Variants in REV1 observed in about 807,000 individuals in gnomAD.
REV1 encodes REV1 DNA directed polymerase, also known as translesion synthesis protein REV1.
A neutral mutation model predicts 137.4 loss-of-function variants in REV1; 42 were observed. The observed-to-expected ratio is 0.31, with a 90% CI of 0.24 to 0.40. The LOEUF (loss-of-function observed/expected upper bound fraction) is 0.40. Ranked by LOEUF, REV1 falls within the 10% of genes least tolerant of loss-of-function variation. The pLI is 1.00. For missense variants in REV1, 1,282 were observed against 1,490.1 expected (o/e 0.86, Z 2.30); for synonymous variants, 524 against 519.2 (o/e 1.01, Z -0.12).
chr2:99,410,782 A>G lies in REV1; in HGVS notation c.2258T>C (p.Leu753Pro), dbSNP rs1677025520. 1 of 1,612,680 alleles carries G rather than the reference A, an allele frequency of 6.2e-7. No homozygotes were observed. The highest frequency in any genetic ancestry group is 1.3e-5 in the African/African-American group (1 of 74,800). ...CTTTCGTACCATGATTTTGAGAGTT[A>G]GACGTTTACCCTTCATGCCAGTGGC... ...LEATGMKGKR[L>P]TLKIMVRKPG... The change falls in exon 14 of 23, where the codon CTA (leucine) becomes CCA (proline). Residue 753 changes from leucine (L) to proline (P), a missense_variant. Coordinates refer to ENST00000258428, the MANE Select transcript of REV1 (RefSeq NM_016316.4).
intron 17 of REV1, among the ~76,000 whole-genome samples, chr2:99,404,938 A>T (rs1296942686): frequency 6.6e-6 from 1 of 152,196 alleles, no homozygotes; most frequent in African/African-American, 2.4e-5. Flanking sequence ...TGACCAGGTA[A>T]GTCCAAATAT....
intron 1 of REV1, among the ~76,000 whole-genome samples, chr2:99,474,369 CA>C (rs755030155): frequency 2.4e-4 from 37 of 152,286 alleles, no homozygotes; most frequent in East Asian, 9.6e-4. Flanking sequence ...TCATCTTCTA[CA>C]AAATTATGTT....
intron 1 of REV1, among the ~76,000 whole-genome samples, chr2:99,472,792 C>T (rs1685562536): frequency 6.6e-6 from 1 of 152,182 alleles, no homozygotes; most frequent in Non-Finnish European, 1.5e-5. Context: ...AGTGCTAGCA[C>T]GCATGCCCTA....
chr2:99,428,608 TA>T (rs533037721), intron 9 of REV1, among the ~76,000 whole-genome samples: 3 of 152,026 alleles, frequency 2.0e-5, no homozygotes, highest in Non-Finnish European at 2.9e-5. Context: ...TTAGCAAATT[TA>T]AAAAAAACTA....
At position 99,424,142 on chromosome 2, in the gene REV1, T is replaced by C. The variant is rs1163801259; in HGVS notation, c.1676+10A>G. 6.2e-7 allele frequency: 1 copy of C among 1,611,452 alleles called. No homozygotes were observed. Among genetic ancestry groups the C allele is most frequent in the Non-Finnish European group, 8.5e-7 (1 of 1,178,922 alleles). On this transcript the variant is annotated intron_variant, in intron 10 of 22. Coordinates refer to ENST00000258428, the MANE Select transcript of REV1 (RefSeq NM_016316.4). Reference sequence around the variant, plus strand: ...ACACAGACACAAAATGACAGTTTGATACACTGTACCTTGCCAATGTTTCAT... The same window carrying C: ...ACACAGACACAAAATGACAGTTTGACACACTGTACCTTGCCAATGTTTCAT...
intron 9 of REV1, among the ~76,000 whole-genome samples, chr2:99,425,698 T>G (rs113772558): frequency 6.6e-6 from 1 of 152,242 alleles, no homozygotes; most frequent in Non-Finnish European, 1.5e-5. Context: ...AGATTCAGCA[T>G]GTAAAAGCTG....
At chr2:99,457,700 A>AG (rs542980062) in intron 3 of REV1, among the ~76,000 whole-genome samples, 26 of 151,948 alleles carry the variant, frequency 1.7e-4, no homozygotes, top group East Asian at 9.7e-4. Flanking sequence ...AAAAAAAAAA[A>AG]AGAGAGAGAG....
At chr2:99,402,192 G>C in intron 22 of REV1, 52 bp downstream of exon 22, 1 of 745,828 alleles carries the variant, frequency 1.3e-6, no homozygotes, top group South Asian at 1.7e-5. Flanking sequence ...TACACCCTCA[G>C]CCATTGTGAC....
chr2:99,465,103 TATA>T, intron 1 of REV1, 118 bp from the exon 2 acceptor site: 39 of 902,338 alleles, frequency 4.3e-5, no homozygotes, highest in Middle Eastern at 2.4e-4. Flanking sequence ...CTGATGAAAG[TATA>T]CAATATTAAG....
chr2:99,430,869 C>A (rs1013816660), intron 8 of REV1, among the ~76,000 whole-genome samples: 52 of 152,098 alleles, frequency 3.4e-4, no homozygotes, highest in African/African-American at 1.3e-3. Flanking sequence ...AAAAAAAAAT[C>A]ACATTCTAAA....
chr2:99,437,189 C>A (rs1559345965), intron 6 of REV1, among the ~76,000 whole-genome samples: 1 of 151,802 alleles, frequency 6.6e-6, no homozygotes. Flanking sequence ...CACTGTGTTG[C>A]CCAGGTTGGT....
At chr2:99,460,801 G>A (rs771551406) in intron 3 of REV1, among the ~76,000 whole-genome samples, 3 of 151,836 alleles carry the variant, frequency 2.0e-5, no homozygotes, top group Non-Finnish European at 1.5e-5. Context: ...TGCAGAAAAG[G>A]ATAGAGATAA....
chr2:99,424,616 C>T, intron 9 of REV1: 1 of 537,252 alleles, frequency 1.9e-6, no homozygotes, highest in Non-Finnish European at 2.9e-6. Context: ...TCACAACCAC[C>T]ACAGAGCAGG....
At chr2:99,438,205 A>AAC (rs1681007191) in intron 6 of REV1, among the ~76,000 whole-genome samples, 1 of 152,234 alleles carries the variant, frequency 6.6e-6, no homozygotes. Context: ...AAAATTAAAA[A>AAC]ATCATTATGA....
chr2:99,402,830 A>G (rs757378584), intron 20 of REV1, 30 bp from the exon 21 acceptor site: 14 of 1,613,584 alleles, frequency 8.7e-6, no homozygotes, highest in East Asian at 2.2e-5. Context: ...TAAAATTGCT[A>G]TATTCACACA....
At chr2:99,452,926 G>T (rs763314259) in intron 3 of REV1, among the ~76,000 whole-genome samples, 6 of 152,224 alleles carry the variant, frequency 3.9e-5, no homozygotes, top group Non-Finnish European at 5.9e-5. Flanking sequence ...TAGTTACTTG[G>T]ATTTCAGGCA....
intron 3 of REV1, among the ~76,000 whole-genome samples, chr2:99,460,105 T>C (rs962327689): frequency 8.5e-5 from 13 of 152,336 alleles, no homozygotes; most frequent in Admixed American, 7.8e-4. Flanking sequence ...ATTTTCTTTT[T>C]TTCACTCTAT....
chr2:99,441,908 G>C (rs1475402599), intron 5 of REV1, among the ~76,000 whole-genome samples: 1 of 152,142 alleles, frequency 6.6e-6, no homozygotes, highest in Admixed American at 6.5e-5. Context: ...GCCAGGGTTT[G>C]TATCTGCTTC....
rs375878960 is a variant in REV1 at position 99,429,796 on chromosome 2, A to T, written c.1547+44T>A. On this transcript the variant is annotated intron_variant, in intron 9 of 22. Coordinates refer to ENST00000258428, the MANE Select transcript of REV1 (RefSeq NM_016316.4). ...TCAAGAAATTATATAAAAATAATTA[A>T]CCAAATTATTCATTAAGAATTGTAA... is the stretch of plus-strand genomic sequence containing the variant. 6.2e-6 allele frequency: 7 copies of T among 1,123,560 alleles called. No individual in the cohort carries two copies. In the African/African-American group the frequency reaches 1.4e-4, roughly 22 times the overall value. 69.6% of individuals were successfully genotyped at this position (1,123,560 alleles called of 1,614,324 possible).
Sources: gnomAD v4.1 joint callset for allele counts (sites outside exome capture counted in the v4.1 genomes callset) on GRCh38, gnomAD v4.1.1 for gene constraint, MANE v1.5 for transcripts, NCBI Gene and HGNC (gene_info 2026-07-23, HGNC 2026-07-21) for gene names.